PC: variants seen among roughly 807,000 people sequenced by gnomAD.
The protein encoded by PC is pyruvate carboxylase, mitochondrial.
In PC, 46 loss-of-function variants were observed where a neutral mutation model predicts 107.8. The ratio of observed to expected loss-of-function variants is 0.43; its 90% CI spans 0.34 to 0.55. The LOEUF is 0.55. Ranked by LOEUF, PC falls within the 20% of genes least tolerant of loss-of-function variation. PC has a pLI of 0.04. For synonymous variants in PC, 662 were observed against 684.7 expected (o/e 0.97, Z 0.52); for missense variants, 1,241 against 1,643.1 (o/e 0.76, Z 4.23).
rs57630565 is a variant in PC, at chr11:66,942,539, T to C, written c.-1+9891A>G. 5.3e-3 allele frequency among the ~76,000 whole-genome samples: 812 copies of C among 152,204 alleles called. 5 individuals carry two copies. The highest frequency in any genetic ancestry group is 0.018 in the African/African-American group (766 of 41,530). Reference sequence around the variant, plus strand: ...ATATGAGGTGCCTAGAGCAGTCCAATTCAGAGACAGAAAGTAGAATGGTGG... The same window carrying C: ...ATATGAGGTGCCTAGAGCAGTCCAACTCAGAGACAGAAAGTAGAATGGTGG... On this transcript the variant is annotated intron_variant, in intron 3 of 22. Transcript: ENST00000393960.
chr11:66,871,381 G>C lies in PC; in HGVS notation c.421C>G (p.Pro141Ala). 1 of 1,613,818 alleles carries C rather than the reference G, an allele frequency of 6.2e-7. No homozygotes were observed. Among genetic ancestry groups the C allele is most frequent in the Non-Finnish European group, 8.5e-7 (1 of 1,180,036 alleles). The stretch of plus-strand genomic sequence containing the variant: ...ATCTTGCGGACCACTTCTGGGCTTG[G>C]CCCAATAAACCGGACCCCTGCATCC... ...CQDAGVRFIG[P>A]SPEVVRKMGD... The change falls in exon 6 of 23, where the codon CCA becomes GCA. Residue 141 changes from proline (P) to alanine (A), a missense_variant. Pro to Ala is a conservative substitution (Grantham distance 27, BLOSUM62 -1). Transcript: ENST00000393960. The surrounding 1 kb of genome is among the most constrained non-coding windows in gnomAD (Gnocchi z 7.4).
intron 3 of PC, among the ~76,000 whole-genome samples, chr11:66,913,116 T>C (rs1364355644): frequency 6.6e-6 from 1 of 151,990 alleles, no homozygotes; most frequent in Non-Finnish European, 1.5e-5. Context: ...GCAGCAGCAG[T>C]AGTAAAGCCG....
rs1945588965 is a variant in PC at position 66,852,877 on chromosome 11, G to A, written c.1514-41C>T. ...GCAGTGGGTCAGGGTGGGCTGGGCA[G>A]AGGCTGAGTCGAGGGCAGCAGTGAG... On this transcript the variant is annotated intron_variant, in intron 13 of 22. Transcript: ENST00000393960. This position sits in a 1 kb window ranked among gnomAD's most constrained non-coding sequence, Gnocchi z 4.7. 1.4e-6 allele frequency: 2 copies of A among 1,430,000 alleles called. No homozygotes were observed. Among genetic ancestry groups the A allele is most frequent in the Non-Finnish European group, 1.9e-6 (2 of 1,039,786 alleles). The allele number at this position is 1,430,000 out of a possible 1,614,324, so 88.6% of individuals were successfully genotyped here.
At position 66,852,672 on chromosome 11, in the gene PC, AG is replaced by A. The variant is rs2135816025; in HGVS notation, c.1604-13del. Reference sequence around the variant, plus strand: ...AGCCGGGGGCGGGCCTAGGGTAGACAGGGGCATTGGTGCCCATCCTGCAGGT... The same window carrying A: ...AGCCGGGGGCGGGCCTAGGGTAGACAGGGCATTGGTGCCCATCCTGCAGGT... On this transcript the variant is annotated splice_polypyrimidine_tract_variant and intron_variant, in intron 14 of 22. Transcript: ENST00000393960. The surrounding 1 kb of genome is among the most constrained non-coding windows in gnomAD (Gnocchi z 4.7). 1.2e-6 allele frequency: 2 copies of A among 1,613,156 alleles called. No individual in the cohort carries two copies. Among genetic ancestry groups the A allele is most frequent in the Non-Finnish European group, 1.7e-6 (2 of 1,179,262 alleles).
intron 3 of PC, chr11:66,934,625 CTA>C (rs1948948545): frequency 6.5e-6 from 1 of 152,970 alleles, no homozygotes; most frequent in Non-Finnish European, 1.5e-5. Flanking sequence ...CGGTAATTCC[CTA>C]TGTGTGTTTT....
chr11:66,931,949 G>T (rs1355864828), intron 3 of PC, among the ~76,000 whole-genome samples: 3 of 151,624 alleles, frequency 2.0e-5, no homozygotes, highest in African/African-American at 7.3e-5. Context: ...AACCCGGGAG[G>T]CGGAGCTTGC....
At chr11:66,872,861 C>G (rs1282443516) in intron 3 of PC, among the ~76,000 whole-genome samples, 1 of 149,478 alleles carries the variant, frequency 6.7e-6, no homozygotes, top group Non-Finnish European at 1.5e-5. Flanking sequence ...CATGGTGAAA[C>G]CCCGCCTCTT....
At chr11:66,860,586 C>T in intron 12 of PC, 1 of 701,386 alleles carries the variant, frequency 1.4e-6, no homozygotes, top group South Asian at 1.5e-5. Context: ...TGGGGGCAGT[C>T]ACAGCAGCCT....
At chr11:66,958,191 A>G (rs1949622173) in intron 1 of PC, 131 bp downstream of exon 1, 1 of 152,032 alleles carries the variant, frequency 6.6e-6, no homozygotes, top group South Asian at 2.1e-4. Context: ...TCCAGCCGTC[A>G]CTCGCGGAGC....
intron 3 of PC, among the ~76,000 whole-genome samples, chr11:66,900,957 T>C (rs1947935502): frequency 6.6e-6 from 1 of 152,322 alleles, no homozygotes; most frequent in African/African-American, 2.4e-5. Flanking sequence ...TCCTTTCCAA[T>C]CTGGATGTTC....
chr11:66,866,427 G>A lies in PC; in HGVS notation c.1023-78C>T. On this transcript the variant is annotated intron_variant, in intron 10 of 22. Coordinates refer to ENST00000393960, the MANE Select transcript of PC (RefSeq NM_001040716.2). This position sits in a 1 kb window ranked among gnomAD's most constrained non-coding sequence, Gnocchi z 5.4. ...AGGCGGGGGATAGACGAGGGGCACC[G>A]CAGCCAGTGGGGCGTCCACACACAG... 1.0e-5 allele frequency: 11 copies of A among 1,075,414 alleles called. No homozygotes were observed. Among genetic ancestry groups the A allele is most frequent in the South Asian group, 2.7e-5 (2 of 72,986 alleles). 66.6% of individuals were successfully genotyped at this position (1,075,414 alleles called of 1,614,324 possible).
chr11:66,891,142 C>T (rs1040444621), intron 3 of PC, among the ~76,000 whole-genome samples: 7 of 151,634 alleles, frequency 4.6e-5, no homozygotes, highest in African/African-American at 4.9e-5. Context: ...CTGCAACTTC[C>T]GCCTCCCAGG....
intron 3 of PC, among the ~76,000 whole-genome samples, chr11:66,897,122 T>C (rs912271782): frequency 1.3e-5 from 2 of 151,994 alleles, no homozygotes; most frequent in African/African-American, 4.8e-5. Context: ...TTAGTAGAGA[T>C]GGGGTTTCAC....
In PC at chr11:66,866,489, C is replaced by T. The variant is rs762321960; in HGVS notation, c.1023-140G>A. The T allele has an allele frequency of 1.1e-4, 75 of 667,788 alleles. No individual in the cohort carries two copies. The highest frequency in any genetic ancestry group is 8.0e-4 in the Middle Eastern group (2 of 2,500). The allele number at this position is 667,788 out of a possible 1,614,324, so 41.4% of individuals were successfully genotyped here. On this transcript the variant is annotated intron_variant, in intron 10 of 22. Transcript: ENST00000393960. This position sits in a 1 kb window ranked among gnomAD's most constrained non-coding sequence, Gnocchi z 5.4. ...CCCATAGGCTCTGGGCCAGCCTGAA[C>T]AGCCGGTTCCTCCCAACCAGTGGCT...
chr11:66,869,398 C>A (rs1321520333), intron 9 of PC, among the ~76,000 whole-genome samples: 4 of 151,752 alleles, frequency 2.6e-5, no homozygotes, highest in Non-Finnish European at 5.9e-5. Context: ...GCGCAGTCAC[C>A]TCTGGCCACC....
chr11:66,860,065 G>A, intron 12 of PC: 1 of 1,564,830 alleles, frequency 6.4e-7, no homozygotes, highest in South Asian at 1.2e-5. Flanking sequence ...GATGCCGGGT[G>A]CTACGGTTAT....
At chr11:66,869,459 T>C (rs925227202) in intron 9 of PC, among the ~76,000 whole-genome samples, 1 of 151,946 alleles carries the variant, frequency 6.6e-6, no homozygotes, top group African/African-American at 2.4e-5. Flanking sequence ...TGACTCTAAC[T>C]CAAATTTCAG....
chr11:66,951,343 G>C lies in PC; in HGVS notation c.-1+1087C>G, dbSNP rs577199328. On this transcript the variant is annotated intron_variant, in intron 3 of 22. Coordinates refer to ENST00000393960, the MANE Select transcript of PC (RefSeq NM_001040716.2). ...CTCGGCTGCTCCTGCAGACCAGCAG[G>C]GGGAGAGGGGACTGGACTAGCAGGG... Among the ~76,000 whole-genome samples the C allele has an allele frequency of 2.0e-5, 3 of 152,296 alleles. No individual in the cohort carries two copies. The South Asian group carries it at 6.2e-4, about 32-fold the overall frequency.
intron 3 of PC, among the ~76,000 whole-genome samples, chr11:66,874,485 A>G (rs933493655): frequency 2.0e-5 from 3 of 152,246 alleles, no homozygotes; most frequent in Non-Finnish European, 4.4e-5. Flanking sequence ...TGAAACAAAT[A>G]TTGCAAAAAC....
Sources: allele counts gnomAD v4.1 joint callset (sites outside exome capture counted in the v4.1 genomes callset), GRCh38; gene constraint gnomAD v4.1.1; non-coding constraint Gnocchi (gnomAD v3.1); transcripts MANE v1.5; gene names NCBI Gene and HGNC (gene_info 2026-07-23, HGNC 2026-07-21).